CNGB3: variants seen among roughly 807,000 people sequenced by gnomAD.
The protein encoded by CNGB3 is cyclic nucleotide gated channel subunit beta 3, also known as cyclic nucleotide-gated channel beta-3.
CNGB3 carries 86 observed loss-of-function variants against 92.8 expected under a neutral mutation model. The ratio of observed to expected loss-of-function variants is 0.93; its 90% CI spans 0.78 to 1.11. The LOEUF is 1.11. Among genes scored for constraint, CNGB3 ranks in the 50% least tolerant of loss-of-function variants. The pLI is 0.00. For synonymous variants in CNGB3, 333 were observed against 332.7 expected, an observed-to-expected ratio of 1.00 and a Z score of -0.01; for missense variants, 1,026 against 956.8, an observed-to-expected ratio of 1.07 and a Z score of -0.95.
chr8:86,661,964 G>A, intron 6 of CNGB3: 1 of 560,926 alleles, frequency 1.8e-6, no homozygotes. Context: ...TCATGGAACA[G>A]TCCTGGCCTC....
chr8:86,581,011 C>T (rs912888261), intron 15 of CNGB3, among the ~76,000 whole-genome samples: 13 of 150,990 alleles, frequency 8.6e-5, no homozygotes, highest in African/African-American at 3.2e-4. Context: ...TCTGTTGTTG[C>T]AGAAAAGGGA....
intron 2 of CNGB3, among the ~76,000 whole-genome samples, chr8:86,730,742 T>C (rs953843631): frequency 2.0e-5 from 3 of 152,226 alleles, no homozygotes; most frequent in Admixed American, 6.5e-5. Flanking sequence ...TGCTGGATTA[T>C]CTAGTGTACT....
chr8:86,606,876 C>T (rs1241016396), intron 14 of CNGB3, among the ~76,000 whole-genome samples: 1 of 152,090 alleles, frequency 6.6e-6, no homozygotes, highest in Non-Finnish European at 1.5e-5. Flanking sequence ...TGAAGACAGA[C>T]CACATCTAAC....
chr8:86,682,587 A>G (rs1824102181), intron 3 of CNGB3, among the ~76,000 whole-genome samples: 2 of 152,188 alleles, frequency 1.3e-5, no homozygotes, highest in South Asian at 4.2e-4. Context: ...GCAGAAGTAC[A>G]TGATGCAGAG....
intron 3 of CNGB3, among the ~76,000 whole-genome samples, chr8:86,695,329 A>G (rs1190350116): frequency 6.7e-6 from 1 of 150,006 alleles, no homozygotes; most frequent in Non-Finnish European, 1.5e-5. Flanking sequence ...GGAGAGGGAG[A>G]GGGAGAGGGA....
At chr8:86,635,510 A>C (rs115474392) in intron 10 of CNGB3, among the ~76,000 whole-genome samples, 80 of 150,146 alleles carry the variant, frequency 5.3e-4, no homozygotes, top group African/African-American at 1.9e-3. Context: ...TTTGGCTTGA[A>C]CAATTTTTTT....
intron 3 of CNGB3, among the ~76,000 whole-genome samples, chr8:86,694,053 G>T (rs1227894960): frequency 1.7e-5 from 2 of 118,796 alleles, no homozygotes; most frequent in Admixed American, 8.5e-5. Flanking sequence ...CCTCCCGGAC[G>T]GGGCGGCTGG....
At chr8:86,618,712 C>T (rs1822665947) in intron 13 of CNGB3, among the ~76,000 whole-genome samples, 1 of 152,148 alleles carries the variant, frequency 6.6e-6, no homozygotes, top group African/African-American at 2.4e-5. Context: ...TTTCTAATAC[C>T]ATTAGGGTAA....
intron 6 of CNGB3, among the ~76,000 whole-genome samples, chr8:86,654,501 C>T (rs901029952): frequency 1.3e-5 from 2 of 152,084 alleles, no homozygotes; most frequent in African/African-American, 4.8e-5. Context: ...CTGCTTGGCT[C>T]ATTTACTTAA....
chr8:86,740,461 T>C (rs1825321495), intron 1 of CNGB3, among the ~76,000 whole-genome samples: 1 of 152,178 alleles, frequency 6.6e-6, no homozygotes, highest in Admixed American at 6.5e-5. Flanking sequence ...AGATAAGATT[T>C]TTGTTTTCCA....
intron 15 of CNGB3, among the ~76,000 whole-genome samples, chr8:86,602,296 A>G (rs1383693906): frequency 6.6e-6 from 1 of 152,216 alleles, no homozygotes; most frequent in Non-Finnish European, 1.5e-5. Flanking sequence ...CTTAACAAAT[A>G]ATCAGTCGTT....
chr8:86,632,954 T>TCCCAAGAATAG, intron 10 of CNGB3, 61 bp from the exon 11 acceptor site: 1 of 1,464,278 alleles, frequency 6.8e-7, no homozygotes, highest in Non-Finnish European at 9.5e-7. Context: ...ACCACTATTC[T>TCCCAAGAATAG]TGGGAGAATA....
intron 11 of CNGB3, among the ~76,000 whole-genome samples, chr8:86,630,459 G>A (rs115226845): frequency 6.4e-4 from 98 of 152,292 alleles, no homozygotes; most frequent in African/African-American, 2.3e-3. Flanking sequence ...CAGGAGTTGA[G>A]GAAGATGTAT....
chr8:86,580,323 C>G (rs1263227647), intron 15 of CNGB3, among the ~76,000 whole-genome samples: 1 of 152,194 alleles, frequency 6.6e-6, no homozygotes, highest in African/African-American at 2.4e-5. Flanking sequence ...CAGTTGGGTA[C>G]TCTTAGACTT....
intron 15 of CNGB3, among the ~76,000 whole-genome samples, chr8:86,584,210 T>A (rs1401753005): frequency 6.6e-6 from 1 of 152,224 alleles, no homozygotes. Flanking sequence ...CTTTCTTCTA[T>A]CTACCTTCTT....
intron 13 of CNGB3, among the ~76,000 whole-genome samples, chr8:86,622,748 T>C (rs965986003): frequency 1.2e-4 from 19 of 152,248 alleles, no homozygotes; most frequent in African/African-American, 4.6e-4. Flanking sequence ...AGGTTTGGAA[T>C]TTTACTTTTA....
chr8:86,621,633 C>T (rs896884068), intron 13 of CNGB3, among the ~76,000 whole-genome samples: 4 of 152,076 alleles, frequency 2.6e-5, no homozygotes, highest in Non-Finnish European at 5.9e-5. Context: ...ATCCTTCACC[C>T]CCCTTCCCAC....
chr8:86,649,077 C>T (rs1411545490), intron 7 of CNGB3, among the ~76,000 whole-genome samples: 1 of 151,094 alleles, frequency 6.6e-6, no homozygotes, highest in African/African-American at 2.4e-5. Flanking sequence ...TGTAAAACAA[C>T]AACAATAACA....
intron 3 of CNGB3, among the ~76,000 whole-genome samples, chr8:86,674,379 G>A (rs1823923136): frequency 6.6e-6 from 1 of 152,140 alleles, no homozygotes. Context: ...TAACTACTAT[G>A]CATTTTTGTC....
Sources: gnomAD v4.1 joint callset for allele counts (sites outside exome capture counted in the v4.1 genomes callset) on GRCh38, gnomAD v4.1.1 for gene constraint, MANE v1.5 for transcripts, NCBI Gene and HGNC (gene_info 2026-07-23, HGNC 2026-07-21) for gene names.